Variants in FSIP2 observed in about 807,000 individuals in gnomAD.
The protein encoded by FSIP2 is fibrous sheath-interacting protein 2.
In FSIP2, 367 loss-of-function variants were observed where a neutral mutation model predicts 510.5. That is an observed-to-expected ratio of 0.72 (90% CI 0.66 to 0.78). The LOEUF (loss-of-function observed/expected upper bound fraction) is 0.78, where lower values mean the gene tolerates loss of function less well. Among genes scored for constraint, FSIP2 ranks in the 30% least tolerant of loss-of-function variants. The pLI, the probability that FSIP2 is intolerant of heterozygous loss-of-function variation, is 0.00. For synonymous variants in FSIP2, 2,601 were observed against 2,732.2 expected, an observed-to-expected ratio of 0.95 and a Z score of 1.50; for missense variants, 7,594 against 7,901.7, an observed-to-expected ratio of 0.96 and a Z score of 1.48.
chr2:185,788,087 C>T (rs1693031456), intron 15 of FSIP2: 1 of 151,334 alleles, frequency 6.6e-6, no homozygotes, highest in African/African-American at 2.4e-5. Flanking sequence ...TTAGTCATTC[C>T]TATATATATA....
intron 13 of FSIP2, among the ~76,000 whole-genome samples, chr2:185,773,369 T>C (rs1218135848): frequency 6.6e-6 from 1 of 152,210 alleles, no homozygotes; most frequent in Non-Finnish European, 1.5e-5. Flanking sequence ...TCTGCTGTTA[T>C]TCTAATGAGG....
At chr2:185,779,587 C>A (rs1692798860) in intron 13 of FSIP2, among the ~76,000 whole-genome samples, 2 of 152,024 alleles carry the variant, frequency 1.3e-5, no homozygotes, top group South Asian at 2.1e-4. Flanking sequence ...TAATTTACTT[C>A]TAATCATAAC....
chr2:185,805,388 A>G lies in FSIP2; in HGVS notation c.16082A>G (p.Glu5361Gly). 1 of 1,598,714 alleles carries G rather than the reference A, an allele frequency of 6.3e-7. No homozygotes were observed. Among genetic ancestry groups the G allele is most frequent in the South Asian group, 1.1e-5 (1 of 88,150 alleles). Residue 5361 changes from glutamate to glycine, a missense_variant, in exon 17 of 23, where the codon GAA (glutamate) becomes GGA (glycine). By Grantham distance (98) the Glu-to-Gly change is moderately conservative (BLOSUM62 -2). Transcript: ENST00000424728. Reference protein sequence around the residue: ...ISNFVYEQFIEKCTSHDIQKG... With the variant: ...ISNFVYEQFIGKCTSHDIQKG... ...AATTTTGTATATGAACAGTTCATAG[A>G]AAAATGCACATCTCATGATATTCAA...
chr2:185,796,590 G>A lies in FSIP2; in HGVS notation c.9454G>A (p.Ala3152Thr). The A allele has an allele frequency of 6.5e-7, 1 of 1,535,110 alleles. No individual in the cohort carries two copies. The highest frequency in any genetic ancestry group is 8.7e-7 in the Non-Finnish European group (1 of 1,146,248). Residue 3152 changes from alanine (A) to threonine (T), a missense_variant, in exon 16 of 23, where the codon GCC becomes ACC. Ala to Thr is a moderately conservative substitution (Grantham distance 58). Transcript: ENST00000424728. ...RESLFQGAEN[A>T]YTVNQVELAT... ...AAGTTTGTTCCAAGGAGCTGAAAAT[G>A]CCTACACTGTTAATCAGGTTGAATT...
At position 185,802,671 on chromosome 2, in the gene FSIP2, G is replaced by A. The variant is rs1381489851; in HGVS notation, c.13365G>A (p.Gln4455=). The A allele has an allele frequency of 6.5e-7, 1 of 1,533,588 alleles. No homozygotes were observed. Among genetic ancestry groups the A allele is most frequent in the Admixed American group, 2.0e-5 (1 of 50,808 alleles). The allele number at this position is 1,533,588 out of a possible 1,614,324, so 95.0% of individuals were successfully genotyped here. Residue 4455 remains glutamine, a synonymous_variant, in exon 17 of 23, where the codon CAG becomes CAA. Coordinates refer to ENST00000424728, the MANE Select transcript of FSIP2 (RefSeq NM_173651.4). ...SNISKSTEPS[Q]SVPLYNTLLP... ...TCAGTAAATCTACTGAGCCAAGCCA[G>A]AGTGTACCTCTATATAACACCTTGC... is the stretch of plus-strand genomic sequence containing the variant.
intron 18 of FSIP2, among the ~76,000 whole-genome samples, chr2:185,814,395 G>GAAT (rs1351418339): frequency 6.6e-6 from 1 of 152,052 alleles, no homozygotes; most frequent in Non-Finnish European, 1.5e-5. Context: ...AATGCTACTA[G>GAAT]AATAGCACCA....
intron 9 of FSIP2, among the ~76,000 whole-genome samples, chr2:185,758,287 A>G (rs930973801): frequency 6.6e-6 from 1 of 151,102 alleles, no homozygotes; most frequent in African/African-American, 2.4e-5. Context: ...GACTAGAAGT[A>G]CAGTTGATGT....
chr2:185,801,706 T>TA lies in FSIP2; in HGVS notation c.12401dup (p.Tyr4134Ter). The TA allele has an allele frequency of 1.3e-6, 2 of 1,529,562 alleles. No individual in the cohort carries two copies. Among genetic ancestry groups the TA allele is most frequent in the African/African-American group, 2.8e-5 (2 of 72,702 alleles). The allele number at this position is 1,529,562 out of a possible 1,614,324, so 94.7% of individuals were successfully genotyped here. A position where few individuals can be genotyped will look rare whatever the true frequency, so the allele number is the denominator to read the frequency against. ...FTSLPRSSSD[Y>*]STMLSHSFLE... Reference sequence around the variant, plus strand: ...TTCTCTACCCAGGTCTTCATCAGACTATAGTACCATGTTATCACATTCATT... The same window carrying TA: ...TTCTCTACCCAGGTCTTCATCAGACTAATAGTACCATGTTATCACATTCATT... Residue 4134 changes from tyrosine (Y) to a stop codon, truncating the protein, a stop_gained and frameshift_variant, in exon 17 of 23, where the codon TAT becomes TAAT. Transcript: ENST00000424728. LOFTEE classifies it high-confidence loss of function.
At chr2:185,785,771 T>G (rs1003944561) in intron 14 of FSIP2, among the ~76,000 whole-genome samples, 4 of 152,002 alleles carry the variant, frequency 2.6e-5, no homozygotes, top group African/African-American at 9.7e-5. Context: ...GAATAAGCAT[T>G]CACATATTTT....
At chr2:185,742,117 C>A (rs1049028092) in intron 2 of FSIP2, among the ~76,000 whole-genome samples, 1 of 152,188 alleles carries the variant, frequency 6.6e-6, no homozygotes, top group Non-Finnish European at 1.5e-5. Flanking sequence ...CCTGATTTAA[C>A]ATATTTTGAG....
chr2:185,824,764 A>G (rs1464003206), intron 20 of FSIP2, among the ~76,000 whole-genome samples: 5 of 151,786 alleles, frequency 3.3e-5, no homozygotes, highest in Non-Finnish European at 4.4e-5. Flanking sequence ...AATAGAGTGT[A>G]TTGTAACAGC....
chr2:185,826,931 A>G lies in FSIP2; in HGVS notation c.20474-1225A>G, dbSNP rs369853247. ...ATATATTCATTCCTAGTTCATATAT[A>G]CAATAAAATCTCAAGTAACTTAAAT... On this transcript the variant is annotated intron_variant, in intron 20 of 22. Coordinates refer to ENST00000424728, the MANE Select transcript of FSIP2 (RefSeq NM_173651.4). Among the ~76,000 whole-genome samples the G allele has an allele frequency of 5.3e-5, 8 of 151,944 alleles. No homozygotes were observed. In the South Asian group the frequency reaches 1.0e-3, roughly 20 times the overall value.
chr2:185,738,927 T>C lies in FSIP2; in HGVS notation c.33T>C (p.Pro11=), dbSNP rs1165467381. 4 of 1,534,676 alleles carry C rather than the reference T, an allele frequency of 2.6e-6. No individual in the cohort carries two copies. Among genetic ancestry groups the C allele is most frequent in the Non-Finnish European group, 3.5e-6 (4 of 1,146,690 alleles). Residue 11 remains proline (P), a synonymous_variant, in exon 1 of 23, where the codon CCT becomes CCC. Transcript: ENST00000424728. Reference sequence around the variant, plus strand: ...TGTACCTCGGCGCCTGCTCCAAGCCTGCCAAAGTCGCCGTCACCAAGACGG... The same window carrying C: ...TGTACCTCGGCGCCTGCTCCAAGCCCGCCAAAGTCGCCGTCACCAAGACGG... The part of the protein sequence containing the change: MELYLGACSK[P]AKVAVTKTVA...
intron 13 of FSIP2, among the ~76,000 whole-genome samples, chr2:185,772,993 T>G (rs2105578710): frequency 6.6e-6 from 1 of 152,268 alleles, no homozygotes; most frequent in South Asian, 2.1e-4. Context: ...CCCAAATAGC[T>G]GAGACTACAG....
chr2:185,762,643 A>G (rs7566568), intron 11 of FSIP2, among the ~76,000 whole-genome samples: 146,961 of 151,396 alleles, frequency 0.97, 71,401 homozygotes, highest in Middle Eastern at 1. Context: ...CTAAAAGTTC[A>G]CATTTTCTGC....
In FSIP2 at chr2:185,795,244, A is replaced by C; in HGVS notation, c.8108A>C (p.Lys2703Thr). The change falls in exon 16 of 23, where the codon AAA becomes ACA. Residue 2703 changes from lysine (K) to threonine (T), a missense_variant. By Grantham distance (78) the Lys-to-Thr change is moderately conservative (BLOSUM62 -1). Transcript: ENST00000424728. Reference sequence around the variant, plus strand: ...TTAGGTCCTGGAGAGAAGACCCTAAAAGACAGCAGATCCAAGACTGCCATT... The same window carrying C: ...TTAGGTCCTGGAGAGAAGACCCTAACAGACAGCAGATCCAAGACTGCCATT... ...TKLGPGEKTL[K>T]DSRSKTAIGL... 1 of 1,535,156 alleles carries C rather than the reference A, an allele frequency of 6.5e-7. No homozygotes were observed. The highest frequency in any genetic ancestry group is 8.7e-7 in the Non-Finnish European group (1 of 1,146,286).
Position 185,804,914 on chromosome 2 carries a change from A to C in FSIP2, c.15608A>C (p.Glu5203Ala). ...SICNNILKTSEFQAEVQKDAD... is the reference protein window; with the variant it reads ...SICNNILKTSAFQAEVQKDAD... ...TGTAATAATATTTTGAAAACATCTG[A>C]ATTCCAAGCTGAAGTACAAAAAGAT... The change falls in exon 17 of 23, where the codon GAA becomes GCA. Residue 5203 changes from glutamate (E) to alanine (A), a missense_variant. Physicochemically the swap from Glu to Ala is moderately radical, Grantham distance 107. Transcript: ENST00000424728. The C allele has an allele frequency of 6.6e-7, 1 of 1,526,000 alleles. No individual in the cohort carries two copies. The highest frequency in any genetic ancestry group is 8.7e-7 in the Non-Finnish European group (1 of 1,143,042). The allele number at this position is 1,526,000 out of a possible 1,614,324, so 94.5% of individuals were successfully genotyped here.
chr2:185,802,186 A>C lies in FSIP2; in HGVS notation c.12880A>C (p.Arg4294=), dbSNP rs1377675365. 4.6e-6 allele frequency: 7 copies of C among 1,533,448 alleles called. No individual in the cohort carries two copies. In the East Asian group the frequency reaches 1.2e-4, roughly 27 times the overall value. 95.0% of individuals were successfully genotyped at this position (1,533,448 alleles called of 1,614,324 possible). A position where few individuals can be genotyped will look rare whatever the true frequency, so the allele number is the denominator to read the frequency against. The stretch of plus-strand genomic sequence containing the variant: ...TCTGAGTGAAGTGATAGAGTCACAC[A>C]GACCTCAGAAGCAATCACCTTTAGA... ...QVLSEVIESH[R]PQKQSPLDIH... is the part of the protein sequence containing the mutation. Residue 4294 remains arginine, a synonymous_variant, in exon 17 of 23, where the codon AGA becomes CGA. Coordinates refer to ENST00000424728, the MANE Select transcript of FSIP2 (RefSeq NM_173651.4).
At chr2:185,737,647 G>C (rs189680714), upstream of FSIP2, among the ~76,000 whole-genome samples, 32 of 152,280 alleles carry the variant, frequency 2.1e-4, no homozygotes, top group African/African-American at 7.7e-4. Context: ...CTTTGGTATT[G>C]TCACTGAGAT....
Sources: allele counts gnomAD v4.1 joint callset (sites outside exome capture counted in the v4.1 genomes callset), GRCh38; gene constraint gnomAD v4.1.1; transcripts MANE v1.5; gene names NCBI Gene and HGNC (gene_info 2026-07-23, HGNC 2026-07-21).